The following PTPRG variants were observed in gnomAD, a reference collection of about 807,000 sequenced individuals.
The protein encoded by PTPRG is protein tyrosine phosphatase receptor type G.
A neutral mutation model predicts 165.3 loss-of-function variants in PTPRG; 102 were observed. The observed-to-expected ratio is 0.62, with a 90% CI of 0.53 to 0.73. The LOEUF (loss-of-function observed/expected upper bound fraction) is 0.73. Among genes scored for constraint, PTPRG ranks in the 30% least tolerant of loss-of-function variants. The pLI, the probability that PTPRG is intolerant of heterozygous loss-of-function variation, is 0.00. For synonymous variants in PTPRG, 675 were observed against 669.5 expected, an observed-to-expected ratio of 1.01 and a Z score of -0.13; for missense variants, 1,866 against 1,861.4, an observed-to-expected ratio of 1.00 and a Z score of -0.05.
At chr3:62,003,179 C>G (rs1487832373) in intron 3 of PTPRG, among the ~76,000 whole-genome samples, 170 bp from the exon 4 acceptor site, 1 of 152,038 alleles carries the variant, frequency 6.6e-6, no homozygotes, top group African/African-American at 2.4e-5. Flanking sequence ...CATTCTGCAG[C>G]TAGAATGAAC....
intron 1 of PTPRG, among the ~76,000 whole-genome samples, chr3:61,728,227 C>T (rs554112311): frequency 1.5e-4 from 23 of 152,286 alleles, no homozygotes; most frequent in East Asian, 3.9e-4. Flanking sequence ...CACACCCGTG[C>T]GACCTTGAGC....
intron 3 of PTPRG, 110 bp from the exon 4 acceptor site, chr3:62,003,236 TGAG>T: frequency 8.0e-7 from 1 of 1,242,442 alleles, no homozygotes; most frequent in Non-Finnish European, 1.1e-6. Context: ...CATAGGTACA[TGAG>T]GACATAATTC....
chr3:62,121,309 G>T (rs560890404), intron 5 of PTPRG, among the ~76,000 whole-genome samples: 17 of 151,992 alleles, frequency 1.1e-4, no homozygotes, highest in Non-Finnish European at 2.2e-4. Flanking sequence ...AAATACTCAC[G>T]GATCTTGGAT....
intron 8 of PTPRG, among the ~76,000 whole-genome samples, chr3:62,187,972 A>G (rs148332140): frequency 1.2e-3 from 180 of 152,280 alleles, no homozygotes; most frequent in African/African-American, 4.2e-3. Context: ...AGTATTTTTT[A>G]ATACATTGAG....
chr3:61,834,012 A>G (rs542102460), intron 2 of PTPRG, among the ~76,000 whole-genome samples: 1 of 152,322 alleles, frequency 6.6e-6, no homozygotes, highest in South Asian at 2.1e-4. Flanking sequence ...ACTTAAAATG[A>G]TTAATAACAT....
intron 28 of PTPRG, among the ~76,000 whole-genome samples, chr3:62,289,682 C>CAACA (rs1311048719): frequency 7.0e-6 from 1 of 143,602 alleles, no homozygotes; most frequent in Non-Finnish European, 1.5e-5. Flanking sequence ...TACAATAAAA[C>CAACA]AACACCCATT....
Position 62,254,668 on chromosome 3 carries a change from T to C in PTPRG, c.2468-456T>C, listed in dbSNP as rs1025415523. On this transcript the variant is annotated intron_variant, in intron 15 of 29. Coordinates refer to ENST00000474889, the MANE Select transcript of PTPRG (RefSeq NM_002841.4). This position sits in a 1 kb window ranked among gnomAD's most constrained non-coding sequence, Gnocchi z 4.6. The stretch of plus-strand genomic sequence containing the variant: ...TGTATAAAGGATTGCTTAAAACTTA[T>C]AAGATTGGAAATAGAACTTAATTGC... Among the ~76,000 whole-genome samples, 2 of 151,978 alleles carry C rather than the reference T, an allele frequency of 1.3e-5. No individual in the cohort carries two copies. Among genetic ancestry groups the C allele is most frequent in the African/African-American group, 4.8e-5 (2 of 41,356 alleles).
chr3:62,154,523 C>T lies in PTPRG; in HGVS notation c.683-2544C>T, dbSNP rs534854399. On this transcript the variant is annotated intron_variant, in intron 6 of 29. Transcript: ENST00000474889. ...CCATCTGAGAACTTACATAAGAGTC[C>T]GACCCTGCCCAATCAGCGTTCCCCT... Among the ~76,000 whole-genome samples, 21 of 152,242 alleles carry T rather than the reference C, an allele frequency of 1.4e-4. No homozygotes were observed. The South Asian group carries it at 4.2e-3, about 30-fold the overall frequency.
intron 2 of PTPRG, among the ~76,000 whole-genome samples, chr3:61,956,665 T>C (rs1031514705): frequency 6.6e-6 from 1 of 152,206 alleles, no homozygotes; most frequent in East Asian, 1.9e-4. Flanking sequence ...CAAATGGGAC[T>C]ATTACTGATA....
At chr3:62,234,708 T>C (rs1475818222) in intron 14 of PTPRG, among the ~76,000 whole-genome samples, 3 of 152,176 alleles carry the variant, frequency 2.0e-5, no homozygotes, top group Non-Finnish European at 4.4e-5. Flanking sequence ...CAAATATTTT[T>C]TCCCAATTCA....
intron 2 of PTPRG, among the ~76,000 whole-genome samples, chr3:61,955,706 A>G (rs2040012009): frequency 6.6e-6 from 1 of 152,170 alleles, no homozygotes; most frequent in South Asian, 2.1e-4. Flanking sequence ...TGATTACCAT[A>G]CTGTGTTACT....
At chr3:61,655,667 G>A (rs1391045987) in intron 1 of PTPRG, among the ~76,000 whole-genome samples, 3 of 152,024 alleles carry the variant, frequency 2.0e-5, no homozygotes, top group East Asian at 1.9e-4. Flanking sequence ...GCAGGATCAC[G>A]GCTCACCACA....
intron 1 of PTPRG, among the ~76,000 whole-genome samples, chr3:61,630,269 A>G (rs1430567826): frequency 6.6e-6 from 1 of 152,256 alleles, no homozygotes; most frequent in African/African-American, 2.4e-5. Context: ...TCATTTAGTT[A>G]AAGGTGTTGT....
At chr3:62,071,830 A>G (rs1441764094) in intron 4 of PTPRG, among the ~76,000 whole-genome samples, 1 of 152,212 alleles carries the variant, frequency 6.6e-6, no homozygotes, top group African/African-American at 2.4e-5. Context: ...TTCCTTGCCT[A>G]TAAAATGAGA....
At chr3:62,049,845 A>G (rs896724417) in intron 4 of PTPRG, among the ~76,000 whole-genome samples, 3 of 152,262 alleles carry the variant, frequency 2.0e-5, no homozygotes, top group East Asian at 1.9e-4. Flanking sequence ...TTAGGAAGTA[A>G]TTTTCACGTG....
chr3:62,207,909 A>C (rs368463192), intron 12 of PTPRG, among the ~76,000 whole-genome samples: 2 of 152,350 alleles, frequency 1.3e-5, no homozygotes, highest in African/African-American at 2.4e-5. Flanking sequence ...TGACTTTTCT[A>C]AAGAGGGCCA....
intron 2 of PTPRG, among the ~76,000 whole-genome samples, chr3:61,838,215 T>A (rs1289411911): frequency 3.3e-5 from 5 of 152,186 alleles, no homozygotes; most frequent in African/African-American, 4.8e-5. Flanking sequence ...CTGAACTCAG[T>A]ATGTGAGAAA....
chr3:61,888,322 G>GTTTTTTTT (rs745595266), intron 2 of PTPRG, among the ~76,000 whole-genome samples: 2 of 149,408 alleles, frequency 1.3e-5, no homozygotes, highest in African/African-American at 5.1e-5. Flanking sequence ...AAAATGGGTT[G>GTTTTTTTT]TTTTTTTTGT....
Position 61,927,679 on chromosome 3 carries a change from G to A in PTPRG, c.191-61946G>A, listed in dbSNP as rs545999965. On this transcript the variant is annotated intron_variant, in intron 2 of 29. Coordinates refer to ENST00000474889, the MANE Select transcript of PTPRG (RefSeq NM_002841.4). The stretch of plus-strand genomic sequence containing the variant: ...AGAACCAGGACAGAATAACCCTGGA[G>A]CTATGTTTGGTGTGGTTTGTCTGCA... 3.9e-5 allele frequency among the ~76,000 whole-genome samples: 6 copies of A among 152,286 alleles called. No homozygotes were observed. In the South Asian group the frequency reaches 1.2e-3, roughly 32 times the overall value.
Sources: allele counts gnomAD v4.1 joint callset (sites outside exome capture counted in the v4.1 genomes callset), GRCh38; gene constraint gnomAD v4.1.1; non-coding constraint Gnocchi (gnomAD v3.1); transcripts MANE v1.5; gene names NCBI Gene and HGNC (gene_info 2026-07-23, HGNC 2026-07-21).